Variants in PCSK5 observed in about 807,000 individuals in gnomAD.
The protein encoded by PCSK5 is prohormone convertase 5.
A neutral mutation model predicts 233.2 loss-of-function variants in PCSK5; 129 were observed. The ratio of observed to expected loss-of-function variants is 0.55; its 90% CI spans 0.48 to 0.64. The LOEUF (loss-of-function observed/expected upper bound fraction) is 0.64. Among genes scored for constraint, PCSK5 ranks in the 30% least tolerant of loss-of-function variants. The probability of loss-of-function intolerance (pLI) is 0.00; values close to 1 mark genes in which losing one functional copy is unlikely to be tolerated. For missense variants in PCSK5, 2,076 were observed against 2,430.1 expected, an observed-to-expected ratio of 0.85 and a Z score of 3.06; for synonymous variants, 825 against 879.2, an observed-to-expected ratio of 0.94 and a Z score of 1.09.
intron 2 of PCSK5, among the ~76,000 whole-genome samples, chr9:75,950,931 G>C (rs1220327201): frequency 6.6e-6 from 1 of 152,194 alleles, no homozygotes; most frequent in Non-Finnish European, 1.5e-5. Context: ...GTTGCTTTCT[G>C]ATCAGCTGTT....
In PCSK5 at chr9:76,141,211, A is replaced by G. The variant is rs144552699; in HGVS notation, c.1312+6999A>G. On this transcript the variant is annotated intron_variant, in intron 10 of 37. Coordinates refer to ENST00000674117, the MANE Select transcript of PCSK5 (RefSeq NM_001372043.1). The stretch of plus-strand genomic sequence containing the variant: ...TGGATTCTGAATCCAGTTCCAAAAT[A>G]AGATGCCCAAAAATGATTTAAGTCA... 4.4e-3 allele frequency among the ~76,000 whole-genome samples: 666 copies of G among 152,264 alleles called. 4 individuals are homozygous for G. The highest frequency in any genetic ancestry group is 0.015 in the African/African-American group (635 of 41,566).
At chr9:76,336,457 G>C (rs1042724381) in intron 34 of PCSK5, among the ~76,000 whole-genome samples, 1 of 152,152 alleles carries the variant, frequency 6.6e-6, no homozygotes, top group African/African-American at 2.4e-5. Flanking sequence ...TCCTTAGCAA[G>C]AATTTTGTTA....
intron 1 of PCSK5, among the ~76,000 whole-genome samples, chr9:75,919,055 C>T (rs537080434): frequency 6.6e-6 from 1 of 152,228 alleles, no homozygotes; most frequent in South Asian, 2.1e-4. Context: ...GTGTAGCCAC[C>T]ACCATAAGAA....
At chr9:76,318,100 G>A (rs762038182) in intron 30 of PCSK5, among the ~76,000 whole-genome samples, 20 of 152,094 alleles carry the variant, frequency 1.3e-4, no homozygotes, top group African/African-American at 1.9e-4. Flanking sequence ...CCTCTTCCGC[G>A]AGTTCCAGCT....
At chr9:75,917,179 A>C (rs960417015) in intron 1 of PCSK5, among the ~76,000 whole-genome samples, 3 of 151,986 alleles carry the variant, frequency 2.0e-5, no homozygotes, top group Admixed American at 2.0e-4. Flanking sequence ...AGAAAAAAAA[A>C]AAAAAAAAAA....
At chr9:75,943,866 A>C (rs1174456594) in intron 2 of PCSK5, among the ~76,000 whole-genome samples, 2 of 152,172 alleles carry the variant, frequency 1.3e-5, no homozygotes, top group Non-Finnish European at 2.9e-5. Flanking sequence ...AATGATCCCC[A>C]AAATAATATG....
chr9:76,255,797 G>A (rs1401462682), intron 24 of PCSK5, among the ~76,000 whole-genome samples: 5 of 151,970 alleles, frequency 3.3e-5, no homozygotes, highest in South Asian at 2.1e-4. Flanking sequence ...ATGGCACCAT[G>A]GCACTCCAGC....
At chr9:76,043,699 G>C (rs534347927) in intron 5 of PCSK5, among the ~76,000 whole-genome samples, 2 of 152,118 alleles carry the variant, frequency 1.3e-5, no homozygotes, top group African/African-American at 4.8e-5. Flanking sequence ...TTTATTTTAT[G>C]TATGTATTTA....
intron 2 of PCSK5, among the ~76,000 whole-genome samples, chr9:75,942,882 CTTCTT>C (rs1824379273): frequency 8.9e-6 from 1 of 112,952 alleles, no homozygotes; most frequent in South Asian, 2.9e-4. Flanking sequence ...TTTTCTTCTT[CTTCTT>C]TTTTTTTTTT....
chr9:76,292,237 T>A lies in PCSK5; in HGVS notation c.3147T>A (p.Asp1049Glu). 7 of 1,560,656 alleles carry A rather than the reference T, an allele frequency of 4.5e-6. No homozygotes were observed. Among genetic ancestry groups the A allele is most frequent in the Non-Finnish European group, 6.2e-6 (7 of 1,133,820 alleles). Residue 1049 changes from aspartate to glutamate, a missense_variant, in exon 25 of 38, where the codon GAT becomes GAA. Coordinates refer to ENST00000674117, the MANE Select transcript of PCSK5 (RefSeq NM_001372043.1). ...TTTATTATTTTTTTTTTCCAGATGA[T>A]CCAGGAACATGTACATCTTGCGCTA... The part of the protein sequence containing the change: ...EEGCLGCSLD[D>E]PGTCTSCAMG...
intron 8 of PCSK5, among the ~76,000 whole-genome samples, chr9:76,103,309 A>T (rs1317247248): frequency 6.6e-6 from 1 of 152,176 alleles, no homozygotes; most frequent in East Asian, 1.9e-4. Flanking sequence ...CAGACAGTAA[A>T]ATCATTTCAT....
chr9:75,897,329 T>G (rs558375987), intron 1 of PCSK5, among the ~76,000 whole-genome samples: 1 of 151,874 alleles, frequency 6.6e-6, no homozygotes, highest in East Asian at 1.9e-4. Context: ...TCCCATAGGA[T>G]GATGTGATAG....
chr9:76,165,210 TAGAAGAGAGAAAAG>T (rs889176960), intron 12 of PCSK5, among the ~76,000 whole-genome samples: 2 of 152,138 alleles, frequency 1.3e-5, no homozygotes, highest in Non-Finnish European at 2.9e-5. Flanking sequence ...AAATAAAAAA[TAGAAGAGAGAAAAG>T]AGAAAATTTC....
At chr9:76,004,286 A>C (rs1204660651) in intron 3 of PCSK5, among the ~76,000 whole-genome samples, 2 of 152,006 alleles carry the variant, frequency 1.3e-5, no homozygotes, top group African/African-American at 4.8e-5. Context: ...TGAGGAGTTA[A>C]ATATTTTTAG....
intron 13 of PCSK5, among the ~76,000 whole-genome samples, chr9:76,174,748 A>T (rs918662025): frequency 6.6e-6 from 1 of 152,214 alleles, no homozygotes; most frequent in Non-Finnish European, 1.5e-5. Context: ...ATAAATGCTG[A>T]TTAAATCAAG....
chr9:76,033,239 A>G (rs994252744), intron 5 of PCSK5, among the ~76,000 whole-genome samples: 1 of 152,206 alleles, frequency 6.6e-6, no homozygotes, highest in Admixed American at 6.5e-5. Flanking sequence ...AACTTATTAT[A>G]ATAGTACTAG....
chr9:76,127,438 G>A (rs7022503), intron 9 of PCSK5, among the ~76,000 whole-genome samples: 71,429 of 151,888 alleles, frequency 0.47, 17,188 homozygotes, highest in Admixed American at 0.52. Flanking sequence ...TAGATTTATT[G>A]ACAATCCTAG....
chr9:76,192,246 G>A (rs572253666), intron 20 of PCSK5, among the ~76,000 whole-genome samples: 161 of 152,176 alleles, frequency 1.1e-3, no homozygotes, highest in African/African-American at 3.6e-3. Flanking sequence ...TGCTAAAAGC[G>A]GAGTGTCAGG....
chr9:75,921,541 G>T lies in PCSK5; in HGVS notation c.193-10838G>T, dbSNP rs142906232. On this transcript the variant is annotated intron_variant, in intron 1 of 37. Coordinates refer to ENST00000674117, the MANE Select transcript of PCSK5 (RefSeq NM_001372043.1). ...TTTCAGACATGTGTTCTTTCTCTCA[G>T]CCTCTCTTGGGCTCTCTATTTCGTT... Among the ~76,000 whole-genome samples, 131 of 152,054 alleles carry T rather than the reference G, an allele frequency of 8.6e-4. 5 individuals carry two copies. The East Asian group carries it at 0.023, about 27-fold the overall frequency.
Sources: gnomAD v4.1 joint callset for allele counts (sites outside exome capture counted in the v4.1 genomes callset) on GRCh38, gnomAD v4.1.1 for gene constraint, MANE v1.5 for transcripts, NCBI Gene and HGNC (gene_info 2026-07-23, HGNC 2026-07-21) for gene names.